Variants in RGS5 observed in about 807,000 individuals in gnomAD.
The protein encoded by RGS5 is regulator of G protein signaling 5.
Under a neutral mutation model 18.9 loss-of-function variants are expected in RGS5, and 20 were observed. That is an observed-to-expected ratio of 1.06 (90% CI 0.74 to 1.54). The LOEUF is 1.54. Ranked by LOEUF, RGS5 falls within the 40% of genes most tolerant of loss-of-function variation. RGS5 has a pLI of 0.00. For synonymous variants in RGS5, 57 were observed against 76.2 expected (o/e 0.75, Z 1.31); for missense variants, 201 against 211.8 (o/e 0.95, Z 0.32).
At chr1:163,161,868 G>A (rs1328593567) in intron 3 of RGS5, 47 bp downstream of exon 3, 4 of 1,444,180 alleles carry the variant, frequency 2.8e-6, no homozygotes, top group South Asian at 2.3e-5. Context: ...TTTTGTTTCT[G>A]TCTCTAACCT....
chr1:163,161,394 T>G (rs560738333), intron 3 of RGS5, among the ~76,000 whole-genome samples: 1 of 152,206 alleles, frequency 6.6e-6, no homozygotes, highest in South Asian at 2.1e-4. Flanking sequence ...TGTCATTTCT[T>G]GAATTAAGAT....
chr1:163,280,432 G>GA (rs1189281503), intron 2 of RGS5, among the ~76,000 whole-genome samples: 4 of 151,804 alleles, frequency 2.6e-5, no homozygotes, highest in South Asian at 4.1e-4. Flanking sequence ...CAATAGATAT[G>GA]AAAAAAAATT....
intron 2 of RGS5, among the ~76,000 whole-genome samples, chr1:163,289,320 G>A (rs928884930): frequency 7.2e-5 from 11 of 151,746 alleles, no homozygotes; most frequent in Non-Finnish European, 1.6e-4. Context: ...CTTTCTTGGT[G>A]TGTCCAACTC....
At chr1:163,167,410 A>G (rs550288786) in intron 2 of RGS5, among the ~76,000 whole-genome samples, 8 of 152,176 alleles carry the variant, frequency 5.3e-5, no homozygotes, top group Non-Finnish European at 1.0e-4. Context: ...CTGTCTAGGT[A>G]GTGACAGTCT....
intron 2 of RGS5, among the ~76,000 whole-genome samples, chr1:163,228,872 C>G (rs1229796778): frequency 1.3e-5 from 2 of 152,186 alleles, no homozygotes; most frequent in South Asian, 2.1e-4. Flanking sequence ...CCACCTTTGC[C>G]CCCGTTCCCA....
At chr1:163,217,379 G>T in intron 1 of RGS5, 2 of 763,418 alleles carry the variant, frequency 2.6e-6, no homozygotes, top group Non-Finnish European at 3.8e-6. Context: ...CATCAGCATT[G>T]GCACTTTTCC....
upstream of RGS5, among the ~76,000 whole-genome samples, chr1:163,207,487 A>G (rs897367371): frequency 6.8e-4 from 103 of 152,176 alleles, no homozygotes; most frequent in African/African-American, 2.3e-3. Context: ...CAAATATGAA[A>G]CACTTGCCAG....
At chr1:163,262,409 T>C (rs2101706583) in intron 2 of RGS5, among the ~76,000 whole-genome samples, 1 of 78,336 alleles carries the variant, frequency 1.3e-5, no homozygotes, top group African/African-American at 4.9e-5. Context: ...TATGCGGTGT[T>C]TGGTTTTTTG....
At chr1:163,160,313 A>G (rs1657751252) in intron 3 of RGS5, among the ~76,000 whole-genome samples, 2 of 152,312 alleles carry the variant, frequency 1.3e-5, no homozygotes, top group South Asian at 2.1e-4. Flanking sequence ...TAATTTATCA[A>G]TAGGTCATCT....
At chr1:163,289,708 T>G (rs1412949124) in intron 2 of RGS5, among the ~76,000 whole-genome samples, 4 of 152,216 alleles carry the variant, frequency 2.6e-5, no homozygotes, top group African/African-American at 9.6e-5. Context: ...AAAATTCTGA[T>G]TATATAATTT....
chr1:163,301,828 C>T (rs1649560413), intron 2 of RGS5, among the ~76,000 whole-genome samples: 1 of 152,134 alleles, frequency 6.6e-6, no homozygotes, highest in Non-Finnish European at 1.5e-5. Flanking sequence ...AATAGAAATT[C>T]TTGCTTTCAC....
intron 2 of RGS5, among the ~76,000 whole-genome samples, chr1:163,305,662 G>A (rs1649676768): frequency 6.6e-6 from 1 of 152,126 alleles, no homozygotes; most frequent in Non-Finnish European, 1.5e-5. Context: ...CTCTCCTAAG[G>A]ATTCTCTCTT....
At chr1:163,227,490 C>T (rs1456162696) in intron 2 of RGS5, among the ~76,000 whole-genome samples, 1 of 152,160 alleles carries the variant, frequency 6.6e-6, no homozygotes, top group African/African-American at 2.4e-5. Context: ...GATTCAATTA[C>T]CTCTACCTGG....
chr1:163,216,218 C>A (rs1213434986), intron 1 of RGS5, among the ~76,000 whole-genome samples: 1 of 152,146 alleles, frequency 6.6e-6, no homozygotes, highest in African/African-American at 2.4e-5. Context: ...CCGTCTCAGC[C>A]CCTTATCGAA....
At chr1:163,291,807 G>C (rs1016676350) in intron 2 of RGS5, among the ~76,000 whole-genome samples, 1 of 152,072 alleles carries the variant, frequency 6.6e-6, no homozygotes, top group African/African-American at 2.4e-5. Context: ...CCAAGTCTTT[G>C]AGGAGATTGA....
intron 2 of RGS5, among the ~76,000 whole-genome samples, chr1:163,234,445 T>C (rs1260001050): frequency 6.6e-6 from 1 of 152,218 alleles, no homozygotes; most frequent in Non-Finnish European, 1.5e-5. Flanking sequence ...CCTATAATTA[T>C]GAGGAATAGT....
At chr1:163,229,054 C>T (rs566449014) in intron 2 of RGS5, among the ~76,000 whole-genome samples, 7 of 152,324 alleles carry the variant, frequency 4.6e-5, no homozygotes, top group South Asian at 2.1e-4. Context: ...GCCTGTTACC[C>T]GTTCCAAAGT....
chr1:163,321,304 T>C (rs1426985690), intron 1 of RGS5: 1 of 152,212 alleles, frequency 6.6e-6, no homozygotes, highest in African/African-American at 2.4e-5. Flanking sequence ...CTGAGTCCAG[T>C]TTTCATATCG....
intron 2 of RGS5, among the ~76,000 whole-genome samples, chr1:163,224,369 C>G (rs1647288717): frequency 6.6e-6 from 1 of 152,184 alleles, no homozygotes; most frequent in African/African-American, 2.4e-5. Context: ...CATGTTGTTG[C>G]AAATGAAAGG....
Sources: gnomAD v4.1 joint callset for allele counts (sites outside exome capture counted in the v4.1 genomes callset) on GRCh38, gnomAD v4.1.1 for gene constraint, MANE v1.5 for transcripts, NCBI Gene and HGNC (gene_info 2026-07-23, HGNC 2026-07-21) for gene names.